PKDCC: variants seen among roughly 807,000 people sequenced by gnomAD.
The protein encoded by PKDCC is protein kinase domain containing, cytoplasmic.
Under a neutral mutation model 44.7 loss-of-function variants are expected in PKDCC, and 35 were observed. The ratio of observed to expected loss-of-function variants is 0.78; its 90% CI spans 0.60 to 1.04. The LOEUF is 1.04. Among genes scored for constraint, PKDCC ranks in the 50% least tolerant of loss-of-function variants. The pLI, the probability that PKDCC is intolerant of heterozygous loss-of-function variation, is 0.00. For missense variants in PKDCC, 738 were observed against 672.7 expected (o/e 1.10, Z -1.07); for synonymous variants, 353 against 303.3 (o/e 1.16, Z -1.70).
Position 42,057,869 on chromosome 2 carries a change from A to G in PKDCC, c.*181A>G. 1.0e-5 allele frequency: 6 copies of G among 602,126 alleles called. No individual in the cohort carries two copies. The highest frequency in any genetic ancestry group is 1.2e-5 in the Non-Finnish European group (4 of 341,720). The allele number at this position is 602,126 out of a possible 1,614,324, so 37.3% of individuals were successfully genotyped here. A position where few individuals can be genotyped will look rare whatever the true frequency, so the allele number is the denominator to read the frequency against. On this transcript the variant is annotated 3_prime_UTR_variant, in exon 7 of 7. Coordinates refer to ENST00000294964, the MANE Select transcript of PKDCC (RefSeq NM_138370.3). The stretch of plus-strand genomic sequence containing the variant: ...CAATAATGCCAAATGTTAAAATGTG[A>G]GTTTACCAGCCTAGCTATGGGACTG...
chr2:42,050,017 C>T (rs1406358309), intron 1 of PKDCC, among the ~76,000 whole-genome samples: 1 of 152,180 alleles, frequency 6.6e-6, no homozygotes, highest in African/African-American at 2.4e-5. Context: ...GGCACCCCAG[C>T]CCTGGAGGGA....
intron 1 of PKDCC, among the ~76,000 whole-genome samples, chr2:42,050,915 G>A (rs571686976): frequency 6.6e-6 from 1 of 152,220 alleles, no homozygotes; most frequent in South Asian, 2.1e-4. Flanking sequence ...CCTACAGTGG[G>A]GTCTTCCTGC....
chr2:42,050,978 T>C (rs955790609), intron 1 of PKDCC, among the ~76,000 whole-genome samples: 57 of 152,178 alleles, frequency 3.7e-4, no homozygotes, highest in African/African-American at 1.1e-3. Flanking sequence ...GCTGCTTTAA[T>C]ACCTCTGAGT....
Position 42,055,205 on chromosome 2 carries a change from G to T in PKDCC, c.1115-81G>T. ...CACTGGGGCACAGGCTCTGGAGGCA[G>T]AGGTGGGAGCAGCTGGCTGCTGACT... On this transcript the variant is annotated intron_variant, in intron 4 of 6. Coordinates refer to ENST00000294964, the MANE Select transcript of PKDCC (RefSeq NM_138370.3). The surrounding 1 kb of genome is among the most constrained non-coding windows in gnomAD (Gnocchi z 4.5). 1 of 1,401,520 alleles carries T rather than the reference G, an allele frequency of 7.1e-7. No homozygotes were observed. The highest frequency in any genetic ancestry group is 1.3e-5 in the South Asian group (1 of 79,202). The allele number at this position is 1,401,520 out of a possible 1,614,324, so 86.8% of individuals were successfully genotyped here. A position where few individuals can be genotyped will look rare whatever the true frequency, so the allele number is the denominator to read the frequency against.
Position 42,055,008 on chromosome 2 carries a change from G to C in PKDCC, c.1102G>C (p.Val368Leu). The change falls in exon 4 of 7, where the codon GTC becomes CTC. Residue 368 changes from valine (V) to leucine (L), a missense_variant. Val to Leu is a conservative substitution (Grantham distance 32). Coordinates refer to ENST00000294964, the MANE Select transcript of PKDCC (RefSeq NM_138370.3). The surrounding 1 kb of genome is among the most constrained non-coding windows in gnomAD (Gnocchi z 4.5). ...ACTGCGTCCTCTGCTGGACAGCATC[G>C]TCAACGCCACAGGTGAGCTCTCCAG... ...PSLRPLLDSI[V>L]NATGELAWGV... 1.2e-6 allele frequency: 2 copies of C among 1,613,814 alleles called. No homozygotes were observed. Among genetic ancestry groups the C allele is most frequent in the Non-Finnish European group, 1.7e-6 (2 of 1,179,770 alleles).
In PKDCC at chr2:42,054,900, A is replaced by G; in HGVS notation, c.1035-41A>G. 1 of 1,563,962 alleles carries G rather than the reference A, an allele frequency of 6.4e-7. No individual in the cohort carries two copies. Among genetic ancestry groups the G allele is most frequent in the Non-Finnish European group, 8.8e-7 (1 of 1,134,478 alleles). On this transcript the variant is annotated intron_variant, in intron 3 of 6. Transcript: ENST00000294964. The surrounding 1 kb of genome is among the most constrained non-coding windows in gnomAD (Gnocchi z 6.1). The stretch of plus-strand genomic sequence containing the variant: ...TGGAATAGAGGAAGGATGTGTCTCC[A>G]AAGGCTGGATTCCTGAGCCACTGGT...
rs1338496348 is a variant in PKDCC, at chr2:42,048,932, C to A, written c.639+94C>A. The A allele has an allele frequency of 5.2e-6, 7 of 1,336,804 alleles. No individual in the cohort carries two copies. The highest frequency in any genetic ancestry group is 2.7e-5 in the East Asian group (1 of 36,634). The allele number at this position is 1,336,804 out of a possible 1,614,324, so 82.8% of individuals were successfully genotyped here. On this transcript the variant is annotated intron_variant, in intron 1 of 6. Transcript: ENST00000294964. The surrounding 1 kb of genome is among the most constrained non-coding windows in gnomAD (Gnocchi z 6.2). ...GAAGAGAACCCCTTGATCTGGAGTG[C>A]CAGTGACTGCACCCAGGCTAAGCTA...
intron 2 of PKDCC, 62 bp from the exon 3 acceptor site, chr2:42,053,974 G>T: frequency 6.4e-7 from 1 of 1,559,294 alleles, no homozygotes; most frequent in South Asian, 1.2e-5. Context: ...GGGTGCCCTC[G>T]AGTCCCACAG....
At chr2:42,057,141 C>G (rs1668069208) in intron 5 of PKDCC, 80 bp from the exon 6 acceptor site, 4 of 1,508,854 alleles carry the variant, frequency 2.7e-6, no homozygotes, top group Non-Finnish European at 3.6e-6. Flanking sequence ...TCTTGCTGCC[C>G]TTTCCAGAAA....
chr2:42,051,340 C>A lies in PKDCC; in HGVS notation c.640-1899C>A, dbSNP rs1026295273. Among the ~76,000 whole-genome samples, 1 of 151,740 alleles carries A rather than the reference C, an allele frequency of 6.6e-6. No homozygotes were observed. The highest frequency in any genetic ancestry group is 2.4e-5 in the African/African-American group (1 of 41,272). On this transcript the variant is annotated intron_variant, in intron 1 of 6. Coordinates refer to ENST00000294964, the MANE Select transcript of PKDCC (RefSeq NM_138370.3). The surrounding 1 kb of genome is among the most constrained non-coding windows in gnomAD (Gnocchi z 4.2). ...CCCTCCCCTCAACCTCTCCCCACCTCCCCCTCCCCCAGTCATCCTGGGGCC... is the reference window on the plus strand; with the variant it reads ...CCCTCCCCTCAACCTCTCCCCACCTACCCCTCCCCCAGTCATCCTGGGGCC...
chr2:42,049,105 G>T (rs946505706), intron 1 of PKDCC, among the ~76,000 whole-genome samples: 1 of 152,164 alleles, frequency 6.6e-6, no homozygotes, highest in Non-Finnish European at 1.5e-5. Flanking sequence ...CAAAACTCAG[G>T]GGGTGGGGCA....
At position 42,054,099 on chromosome 2, in the gene PKDCC, C is replaced by T. The variant is rs367778595; in HGVS notation, c.826C>T (p.Leu276=). 7.4e-6 allele frequency: 12 copies of T among 1,612,840 alleles called. No individual in the cohort carries two copies. The highest frequency in any genetic ancestry group is 9.3e-6 in the Non-Finnish European group (11 of 1,179,876). Residue 276 remains leucine (L), a synonymous_variant, in exon 3 of 7, where the codon CTG becomes TTG. Transcript: ENST00000294964. The surrounding 1 kb of genome is among the most constrained non-coding windows in gnomAD (Gnocchi z 6.1). ...CCACTCCCCACTGGGCTCCGTCACTCTGCTGGACTTCCGCCCTCGGCAGTT... is the reference window on the plus strand; with the variant it reads ...CCACTCCCCACTGGGCTCCGTCACTTTGCTGGACTTCCGCCCTCGGCAGTT... ...LAHSPLGSVT[L]LDFRPRQFVL...
chr2:42,051,667 C>A lies in PKDCC; in HGVS notation c.640-1572C>A, dbSNP rs1222374335. Among the ~76,000 whole-genome samples, 1 of 152,150 alleles carries A rather than the reference C, an allele frequency of 6.6e-6. No individual in the cohort carries two copies. The highest frequency in any genetic ancestry group is 1.5e-5 in the Non-Finnish European group (1 of 68,022). ...TGTTCCCCTTACCTTCCCCCCACCCCACCAGGGTCTGGGGCTTCCCTGGAC... is the reference window on the plus strand; with the variant it reads ...TGTTCCCCTTACCTTCCCCCCACCCAACCAGGGTCTGGGGCTTCCCTGGAC... On this transcript the variant is annotated intron_variant, in intron 1 of 6. Transcript: ENST00000294964. The surrounding 1 kb of genome is among the most constrained non-coding windows in gnomAD (Gnocchi z 4.2).
In PKDCC at chr2:42,048,366, T is replaced by G; in HGVS notation, c.167T>G (p.Leu56Arg). 2 of 1,147,264 alleles carry G rather than the reference T, an allele frequency of 1.7e-6. No homozygotes were observed. The highest frequency in any genetic ancestry group is 1.1e-6 in the Non-Finnish European group (1 of 935,986). The allele number at this position is 1,147,264 out of a possible 1,614,324, so 71.1% of individuals were successfully genotyped here. A position where few individuals can be genotyped will look rare whatever the true frequency, so the allele number is the denominator to read the frequency against. Reference sequence around the variant, plus strand: ...GGCCGTCGCGGGGGCCGCGGGGAGCTGGCCCGGCAGATCCGGGCGCGCTAC... The same window carrying G: ...GGCCGTCGCGGGGGCCGCGGGGAGCGGGCCCGGCAGATCCGGGCGCGCTAC... ...GPGRRGGRGE[L>R]ARQIRARYEE... The change falls in exon 1 of 7, where the codon CTG (leucine) becomes CGG (arginine). Residue 56 changes from leucine to arginine, a missense_variant. By Grantham distance (102) the Leu-to-Arg change is moderately radical (BLOSUM62 -2). Transcript: ENST00000294964. This position sits in a 1 kb window ranked among gnomAD's most constrained non-coding sequence, Gnocchi z 6.2.
chr2:42,048,270 TG>T lies in PKDCC; in HGVS notation c.72del (p.Leu25SerfsTer63). The T allele has an allele frequency of 7.8e-7, 1 of 1,277,402 alleles. No individual in the cohort carries two copies. The highest frequency in any genetic ancestry group is 1.0e-6 in the Non-Finnish European group (1 of 1,004,726). 79.1% of individuals were successfully genotyped at this position (1,277,402 alleles called of 1,614,324 possible). ...ASFLLGSVLN[V>X]LFAPGSEPPR... ...TTCCTGCTGGGCTCCGTCCTCAACG[TG>T]CTCTTCGCTCCGGGCTCGGAGCCTC... On this transcript the variant is annotated frameshift_variant, in exon 1 of 7. Transcript: ENST00000294964. LOFTEE classifies it high-confidence loss of function. The surrounding 1 kb of genome is among the most constrained non-coding windows in gnomAD (Gnocchi z 6.2).
At chr2:42,050,014 C>G (rs1404411781) in intron 1 of PKDCC, among the ~76,000 whole-genome samples, 1 of 152,216 alleles carries the variant, frequency 6.6e-6, no homozygotes, top group Non-Finnish European at 1.5e-5. Context: ...GATGGCACCC[C>G]AGCCCTGGAG....
Position 42,057,771 on chromosome 2 carries a change from C to A in PKDCC, c.*83C>A. On this transcript the variant is annotated 3_prime_UTR_variant, in exon 7 of 7. Transcript: ENST00000294964. ...GAGGGAGTGACTTGCACTGGCAGCA[C>A]TGCATGTCACCTGGGAACCCCTGCA... The A allele has an allele frequency of 8.5e-7, 1 of 1,181,540 alleles. No homozygotes were observed. Among genetic ancestry groups the A allele is most frequent in the Non-Finnish European group, 1.2e-6 (1 of 813,116 alleles). 73.2% of individuals were successfully genotyped at this position (1,181,540 alleles called of 1,614,324 possible). A position where few individuals can be genotyped will look rare whatever the true frequency, so the allele number is the denominator to read the frequency against.
Position 42,053,252 on chromosome 2 carries a change from G to A in PKDCC, c.653G>A (p.Cys218Tyr), listed in dbSNP as rs764887140. Residue 218 changes from cysteine (C) to tyrosine (Y), a missense_variant, in exon 2 of 7, where the codon TGC becomes TAC. By Grantham distance (194) the Cys-to-Tyr change is radical. Transcript: ENST00000294964. ...HPNVLQLYGY[C>Y]YQDSEDIPDT... ...GGCTTTCCCCAGCTCTATGGCTACT[G>A]CTACCAGGACAGCGAGGACATCCCA... is the stretch of plus-strand genomic sequence containing the variant. 7 of 1,605,570 alleles carry A rather than the reference G, an allele frequency of 4.4e-6. No individual in the cohort carries two copies. The highest frequency in any genetic ancestry group is 5.9e-6 in the Non-Finnish European group (7 of 1,177,124).
At position 42,057,658 on chromosome 2, in the gene PKDCC, C is replaced by T; in HGVS notation, c.1452C>T (p.Asn484=). Residue 484 remains asparagine (N), a synonymous_variant, in exon 7 of 7, where the codon AAC becomes AAT. Coordinates refer to ENST00000294964, the MANE Select transcript of PKDCC (RefSeq NM_138370.3). ...TGWSQVVPDP[N]KTTYVKASG is the part of the protein sequence containing the mutation. ...GGAGCCAAGTGGTCCCTGATCCCAA[C>T]AAGACCACATATGTGAAGGCCTCTG... 1 of 1,614,054 alleles carries T rather than the reference C, an allele frequency of 6.2e-7. No homozygotes were observed.
Sources: allele counts gnomAD v4.1 joint callset (sites outside exome capture counted in the v4.1 genomes callset), GRCh38; gene constraint gnomAD v4.1.1; non-coding constraint Gnocchi (gnomAD v3.1); transcripts MANE v1.5; gene names NCBI Gene and HGNC (gene_info 2026-07-23, HGNC 2026-07-21).